ZMAT4: variants seen among roughly 807,000 people sequenced by gnomAD.
ZMAT4 encodes zinc finger matrin-type protein 4.
Under a neutral mutation model 28.7 loss-of-function variants are expected in ZMAT4, and 17 were observed. That is an observed-to-expected ratio of 0.59 (90% CI 0.41 to 0.89). ZMAT4 has a LOEUF of 0.89. Among genes scored for constraint, ZMAT4 ranks in the 40% least tolerant of loss-of-function variants. ZMAT4 has a pLI of 0.00. For synonymous variants in ZMAT4, 117 were observed against 109.2 expected (o/e 1.07, Z -0.44); for missense variants, 240 against 283.8 (o/e 0.85, Z 1.11).
chr8:40,762,089 A>T (rs1812965184), intron 3 of ZMAT4, among the ~76,000 whole-genome samples: 1 of 152,174 alleles, frequency 6.6e-6, no homozygotes, highest in African/African-American at 2.4e-5. Context: ...TCAACAGCAG[A>T]CCACTTGAGA....
chr8:40,548,835 G>A (rs1451062256), intron 6 of ZMAT4, among the ~76,000 whole-genome samples: 3 of 152,104 alleles, frequency 2.0e-5, no homozygotes, highest in Admixed American at 1.3e-4. Context: ...TGATCTTGTA[G>A]GCATTACATC....
At chr8:40,803,363 T>C (rs1029813223) in intron 2 of ZMAT4, among the ~76,000 whole-genome samples, 6 of 152,148 alleles carry the variant, frequency 3.9e-5, no homozygotes, top group Non-Finnish European at 7.4e-5. Flanking sequence ...TAAAGGACTG[T>C]TATCCAAAAT....
intron 5 of ZMAT4, 24 bp from the exon 6 acceptor site, chr8:40,581,285 T>G (rs779844732): frequency 6.2e-7 from 1 of 1,601,030 alleles, no homozygotes. Flanking sequence ...ACAGACCTGG[T>G]TAGCTGCATC....
At chr8:40,542,376 TTTTATTTA>T (rs537222877) in intron 6 of ZMAT4, among the ~76,000 whole-genome samples, 2 of 151,902 alleles carry the variant, frequency 1.3e-5, no homozygotes, top group Non-Finnish European at 2.9e-5. Context: ...TTTAATTTTG[TTTTATTTA>T]TTTATTTATT....
chr8:40,705,636 T>C (rs1272191680), intron 3 of ZMAT4, among the ~76,000 whole-genome samples: 2 of 152,238 alleles, frequency 1.3e-5, no homozygotes, highest in Admixed American at 1.3e-4. Flanking sequence ...CAGATAAAAT[T>C]CTATGCATTT....
intron 1 of ZMAT4, among the ~76,000 whole-genome samples, chr8:40,845,866 A>G (rs1051124260): frequency 9.9e-5 from 15 of 151,904 alleles, no homozygotes; most frequent in African/African-American, 3.6e-4. Context: ...AGAGCCAAGC[A>G]TCAATTAGGA....
intron 1 of ZMAT4, among the ~76,000 whole-genome samples, chr8:40,830,007 A>G (rs1816221026): frequency 6.6e-6 from 1 of 152,096 alleles, no homozygotes; most frequent in Admixed American, 6.6e-5. Flanking sequence ...GCTGGGGGAG[A>G]AGAGCCAGGT....
intron 1 of ZMAT4, among the ~76,000 whole-genome samples, chr8:40,843,521 T>C (rs1394695526): frequency 6.6e-6 from 1 of 152,200 alleles, no homozygotes; most frequent in Non-Finnish European, 1.5e-5. Flanking sequence ...GAGTGGACAC[T>C]TCCTCTTCCC....
chr8:40,625,695 A>G (rs1806349006), intron 5 of ZMAT4, among the ~76,000 whole-genome samples: 1 of 152,154 alleles, frequency 6.6e-6, no homozygotes. Flanking sequence ...TGAGAAAGTT[A>G]AGGCTGAGAT....
chr8:40,725,950 C>T (rs1281173487), intron 3 of ZMAT4, among the ~76,000 whole-genome samples: 1 of 152,212 alleles, frequency 6.6e-6, no homozygotes, highest in Non-Finnish European at 1.5e-5. Flanking sequence ...CCAGCTAAGC[C>T]AGGATGCTCC....
intron 4 of ZMAT4, among the ~76,000 whole-genome samples, chr8:40,696,685 A>T (rs188909369): frequency 3.9e-5 from 6 of 152,330 alleles, no homozygotes; most frequent in Admixed American, 3.9e-4. Context: ...CTCCTGCAAG[A>T]TGAATCACAG....
chr8:40,555,386 T>A (rs964690609), intron 6 of ZMAT4, among the ~76,000 whole-genome samples: 1 of 152,182 alleles, frequency 6.6e-6, no homozygotes, highest in Admixed American at 6.5e-5. Flanking sequence ...TACAAATACT[T>A]CTTAATCACC....
At chr8:40,791,309 T>G (rs987921118) in intron 2 of ZMAT4, among the ~76,000 whole-genome samples, 1 of 152,054 alleles carries the variant, frequency 6.6e-6, no homozygotes, top group Non-Finnish European at 1.5e-5. Context: ...GAATAAGAGG[T>G]AACATGGAAG....
intron 2 of ZMAT4, among the ~76,000 whole-genome samples, chr8:40,821,284 T>C (rs79033070): frequency 0.11 from 16,323 of 152,058 alleles, 1,615 homozygotes; most frequent in East Asian, 0.37. Context: ...ACTGTTTTTT[T>C]ACCCCCGTAA....
chr8:40,730,502 T>C (rs1397430984), intron 3 of ZMAT4, among the ~76,000 whole-genome samples: 1 of 152,244 alleles, frequency 6.6e-6, no homozygotes, highest in African/African-American at 2.4e-5. Flanking sequence ...ATTTGCCCAA[T>C]CTAACACATT....
At chr8:40,633,035 C>T (rs974879904) in intron 5 of ZMAT4, among the ~76,000 whole-genome samples, 7 of 152,132 alleles carry the variant, frequency 4.6e-5, no homozygotes, top group Admixed American at 2.0e-4. Flanking sequence ...TGGTTTTCAT[C>T]CTCCTTGTCC....
At chr8:40,645,223 C>G (rs898498999) in intron 5 of ZMAT4, among the ~76,000 whole-genome samples, 4 of 152,016 alleles carry the variant, frequency 2.6e-5, no homozygotes, top group African/African-American at 9.7e-5. Flanking sequence ...CTATCTTCAC[C>G]ATGTTTCAGT....
intron 5 of ZMAT4, among the ~76,000 whole-genome samples, chr8:40,620,494 G>A (rs1316821113): frequency 2.0e-5 from 3 of 152,110 alleles, no homozygotes; most frequent in Non-Finnish European, 4.4e-5. Context: ...TGTAGCTGAG[G>A]ATCATTCCTG....
At chr8:40,668,468 C>CAAAAAAAAAAAAAAAAAAAAA (rs71224843) in intron 5 of ZMAT4, among the ~76,000 whole-genome samples, 2 of 85,014 alleles carry the variant, frequency 2.4e-5, no homozygotes, top group Non-Finnish European at 4.5e-5. Context: ...GACTTTGTCT[C>CAAAAAAAAAAAAAAAAAAAAA]AAAAAAAAAA....
Sources: allele counts gnomAD v4.1 joint callset (sites outside exome capture counted in the v4.1 genomes callset), GRCh38; gene constraint gnomAD v4.1.1; transcripts MANE v1.5; gene names NCBI Gene and HGNC (gene_info 2026-07-23, HGNC 2026-07-21).